PRKCH: variants seen among roughly 807,000 people sequenced by gnomAD.
The protein encoded by PRKCH is protein kinase C eta type.
PRKCH carries 28 observed loss-of-function variants against 82.5 expected under a neutral mutation model. The observed-to-expected ratio is 0.34, with a 90% CI of 0.25 to 0.47. The LOEUF is 0.47. Among genes scored for constraint, PRKCH ranks in the 20% least tolerant of loss-of-function variants. The probability of loss-of-function intolerance (pLI) is 1.00; values close to 1 mark genes in which losing one functional copy is unlikely to be tolerated. For missense variants in PRKCH, 705 were observed against 881.8 expected, an observed-to-expected ratio of 0.80 and a Z score of 2.54; for synonymous variants, 322 against 327.4, an observed-to-expected ratio of 0.98 and a Z score of 0.18.
intron 2 of PRKCH, among the ~76,000 whole-genome samples, chr14:61,396,500 T>A (rs886670333): frequency 6.6e-6 from 1 of 151,942 alleles, no homozygotes; most frequent in African/African-American, 2.4e-5. Context: ...TCACAGGAGC[T>A]CATAGGAGGG....
intron 11 of PRKCH, among the ~76,000 whole-genome samples, chr14:61,530,059 G>C (rs1326395659): frequency 6.6e-6 from 1 of 152,114 alleles, no homozygotes; most frequent in Non-Finnish European, 1.5e-5. Flanking sequence ...ACTAAAGAAA[G>C]GCTCTTGAAT....
At chr14:61,435,414 C>T (rs1284972136) in intron 2 of PRKCH, among the ~76,000 whole-genome samples, 4 of 152,126 alleles carry the variant, frequency 2.6e-5, no homozygotes, top group African/African-American at 9.7e-5. Flanking sequence ...GATAGTGGTA[C>T]AATTAGCTAG....
chr14:61,541,434 G>T (rs2043183782), intron 12 of PRKCH, among the ~76,000 whole-genome samples: 1 of 152,226 alleles, frequency 6.6e-6, no homozygotes, highest in African/African-American at 2.4e-5. Flanking sequence ...GCCATTAAAT[G>T]CCTTTTCCCC....
At chr14:61,442,962 C>A in intron 2 of PRKCH, 149 bp from the exon 3 acceptor site, 1 of 704,724 alleles carries the variant, frequency 1.4e-6, no homozygotes, top group Non-Finnish European at 2.2e-6. Context: ...TGTTAGGAAG[C>A]CATAATGATT....
intron 1 of PRKCH, among the ~76,000 whole-genome samples, chr14:61,338,747 A>G (rs1295871074): frequency 6.6e-6 from 1 of 152,142 alleles, no homozygotes; most frequent in Non-Finnish European, 1.5e-5. Flanking sequence ...TTCTGGCAAA[A>G]TAAGTGACTC....
chr14:61,265,544 G>A (rs889178929), intron 1 of PRKCH, among the ~76,000 whole-genome samples: 2 of 152,112 alleles, frequency 1.3e-5, no homozygotes, highest in Non-Finnish European at 2.9e-5. Flanking sequence ...AACTTTTCCA[G>A]GTCACATACT....
At chr14:61,426,321 T>G (rs1883107096) in intron 2 of PRKCH, among the ~76,000 whole-genome samples, 1 of 151,596 alleles carries the variant, frequency 6.6e-6, no homozygotes, top group South Asian at 2.1e-4. Flanking sequence ...TGCAATGTGT[T>G]TGCCATCACC....
Position 61,356,099 on chromosome 14 carries a change from A to G in PRKCH, c.363+33635A>G, listed in dbSNP as rs553765890. ...CTGTCAGACTGACTGAGCGCTTGGC[A>G]TTCTTTCATGGAAAGATGACAACTC... On this transcript the variant is annotated intron_variant, in intron 1 of 13. Transcript: ENST00000332981. Among the ~76,000 whole-genome samples the G allele has an allele frequency of 2.0e-5, 3 of 152,358 alleles. No homozygotes were observed. In the East Asian group the frequency reaches 5.8e-4, roughly 29 times the overall value.
chr14:61,271,840 C>T (rs2045156134), intron 1 of PRKCH, among the ~76,000 whole-genome samples: 1 of 152,216 alleles, frequency 6.6e-6, no homozygotes, highest in Admixed American at 6.5e-5. Context: ...CTGGCTGTCC[C>T]CAACCAGCTG....
rs945878184 is a variant in PRKCH at position 61,265,028 on chromosome 14, C to T, written c.-19+77360C>T. On this transcript the variant is annotated intron_variant, in intron 1 of 3. Transcript: ENST00000555185. ...ACCACGTGTTGAGGACTAGCATAAG[C>T]ATGTCATTACAATTTTTTTTAAAGG... 2.6e-5 allele frequency among the ~76,000 whole-genome samples: 4 copies of T among 152,144 alleles called. 1 individual carries two copies. Among genetic ancestry groups the T allele is most frequent in the Non-Finnish European group, 5.9e-5 (4 of 68,034 alleles).
Position 61,322,235 on chromosome 14 carries a change from T to C in PRKCH, c.134T>C (p.Leu45Pro). ...GGCCACCAGCTGCTGGACCCCTATC[T>C]GACGGTGAGCGTGGACCAGGTGCGC... ...KKGHQLLDPY[L>P]TVSVDQVRVG... Residue 45 changes from leucine (L) to proline (P), a missense_variant, in exon 1 of 14, where the codon CTG becomes CCG. Transcript: ENST00000332981. 6.2e-7 allele frequency: 1 copy of C among 1,613,486 alleles called. No homozygotes were observed. The highest frequency in any genetic ancestry group is 8.5e-7 in the Non-Finnish European group (1 of 1,179,870).
At chr14:61,251,841 T>A (rs2044949332) in intron 1 of PRKCH, among the ~76,000 whole-genome samples, 1 of 152,164 alleles carries the variant, frequency 6.6e-6, no homozygotes, top group Non-Finnish European at 1.5e-5. Context: ...GGTCTTTTTT[T>A]TTTTTTTATT....
rs543682373 is a variant in PRKCH, at chr14:61,336,866, C to T, written c.363+14402C>T. Among the ~76,000 whole-genome samples the T allele has an allele frequency of 5.3e-5, 8 of 151,818 alleles. No homozygotes were observed. In the South Asian group the frequency reaches 1.7e-3, roughly 32 times the overall value. Reference sequence around the variant, plus strand: ...GGCAGATTGCTTGAGGTCTGGAGTTCGAGACCAACCTAGCCAGCATGGTGA... The same window carrying T: ...GGCAGATTGCTTGAGGTCTGGAGTTTGAGACCAACCTAGCCAGCATGGTGA... On this transcript the variant is annotated intron_variant, in intron 1 of 13. Coordinates refer to ENST00000332981, the MANE Select transcript of PRKCH (RefSeq NM_006255.5).
At chr14:61,202,847 A>G (rs972379511) in intron 1 of PRKCH, among the ~76,000 whole-genome samples, 1 of 152,140 alleles carries the variant, frequency 6.6e-6, no homozygotes, top group African/African-American at 2.4e-5. Context: ...TACATTTGTT[A>G]TATTGATGAG....
intron 10 of PRKCH, among the ~76,000 whole-genome samples, chr14:61,516,669 A>G (rs1187891588): frequency 6.6e-6 from 1 of 152,116 alleles, no homozygotes; most frequent in African/African-American, 2.4e-5. Context: ...TTCTTAGGGG[A>G]AAATGTGATG....
chr14:61,499,484 C>T (rs1047933872), intron 10 of PRKCH, among the ~76,000 whole-genome samples: 1 of 152,114 alleles, frequency 6.6e-6, no homozygotes, highest in South Asian at 2.1e-4. Flanking sequence ...GAAGGTGGCG[C>T]TTTGACTGCC....
intron 1 of PRKCH, among the ~76,000 whole-genome samples, chr14:61,231,244 G>A (rs2044740580): frequency 6.6e-6 from 1 of 152,062 alleles, no homozygotes; most frequent in Admixed American, 6.5e-5. Flanking sequence ...TTATTGCAAG[G>A]ACTAAACAAT....
At chr14:61,368,957 C>T (rs1180647939) in intron 1 of PRKCH, among the ~76,000 whole-genome samples, 1 of 152,064 alleles carries the variant, frequency 6.6e-6, no homozygotes, top group Non-Finnish European at 1.5e-5. Flanking sequence ...GTGCCAGGCA[C>T]TGGGAAACAG....
chr14:61,504,000 G>T (rs1037037307), intron 10 of PRKCH, among the ~76,000 whole-genome samples: 4 of 151,870 alleles, frequency 2.6e-5, no homozygotes, highest in African/African-American at 7.3e-5. Flanking sequence ...AGATAAGAAG[G>T]GTTCAATTAA....
Sources: allele counts gnomAD v4.1 joint callset (sites outside exome capture counted in the v4.1 genomes callset), GRCh38; gene constraint gnomAD v4.1.1; transcripts MANE v1.5; gene names NCBI Gene and HGNC (gene_info 2026-07-23, HGNC 2026-07-21).